The following ALDH3B2 variants were observed in gnomAD, a reference collection of about 807,000 sequenced individuals.
ALDH3B2 encodes aldehyde dehydrogenase family 3 member B2.
Under a neutral mutation model 36.7 loss-of-function variants are expected in ALDH3B2, and 45 were observed. The ratio of observed to expected loss-of-function variants is 1.23; its 90% confidence interval spans 0.97 to 1.57. The LOEUF (loss-of-function observed/expected upper bound fraction) is 1.57, where lower values mean the gene tolerates loss of function less well. ALDH3B2 is among the 40% of genes most tolerant of loss of function. The pLI, the probability that ALDH3B2 is intolerant of heterozygous loss-of-function variation, is 0.00. For synonymous variants in ALDH3B2, 217 were observed against 226.5 expected, an observed-to-expected ratio of 0.96 and a Z score of 0.38; for missense variants, 464 against 513.3, an observed-to-expected ratio of 0.90 and a Z score of 0.93.
chr11:67,671,307 C>G (rs765030443), intron 1 of ALDH3B2: 1 of 152,278 alleles, frequency 6.6e-6, no homozygotes, highest in Non-Finnish European at 1.5e-5. Context: ...GAAATAATCA[C>G]GGAGCCAGCA....
intron 4 of ALDH3B2, 83 bp downstream of exon 4, chr11:67,666,491 G>A (rs1322090571): frequency 3.1e-6 from 5 of 1,605,466 alleles, no homozygotes; most frequent in Non-Finnish European, 4.3e-6. Flanking sequence ...GAGGCCCAGG[G>A]TACCTCAGAG....
chr11:67,672,120 G>GTATGTATGTATTT (rs59765121), intron 1 of ALDH3B2, among the ~76,000 whole-genome samples: 5 of 108,112 alleles, frequency 4.6e-5, no homozygotes, highest in African/African-American at 2.0e-4. Context: ...GTGTGTGTGT[G>GTATGTATGTATTT]TGTGTGTGTG....
upstream of ALDH3B2, among the ~76,000 whole-genome samples, chr11:67,675,984 G>A (rs1856261776): frequency 6.6e-6 from 1 of 152,218 alleles, no homozygotes; most frequent in South Asian, 2.1e-4. Context: ...GGTGGCTCAT[G>A]CCTGTAATCC....
chr11:67,667,145 G>A, intron 2 of ALDH3B2, 129 bp from the exon 3 acceptor site: 3 of 614,434 alleles, frequency 4.9e-6, no homozygotes, highest in Non-Finnish European at 8.7e-6. Flanking sequence ...GGGAGGCACT[G>A]CCGTCCCCTG....
intron 1 of ALDH3B2, among the ~76,000 whole-genome samples, chr11:67,668,993 CTGTG>C (rs895149837): frequency 6.9e-6 from 1 of 144,740 alleles, no homozygotes; most frequent in Non-Finnish European, 1.5e-5. Flanking sequence ...GTATGGGTGT[CTGTG>C]TGTGTATGTG....
intron 1 of ALDH3B2, among the ~76,000 whole-genome samples, chr11:67,669,073 G>C (rs1199560942): frequency 6.6e-6 from 1 of 151,754 alleles, no homozygotes; most frequent in Non-Finnish European, 1.5e-5. Flanking sequence ...GGGTGTCTGT[G>C]TGTCTTCGTG....
intron 1 of ALDH3B2, chr11:67,667,914 AC>A (rs1855965890): frequency 6.5e-6 from 1 of 152,918 alleles, no homozygotes; most frequent in African/African-American, 2.4e-5. Context: ...CTGGACGCCC[AC>A]CCTGGAAGCC....
upstream of ALDH3B2, among the ~76,000 whole-genome samples, chr11:67,677,564 C>A (rs1281882325): frequency 6.6e-6 from 1 of 152,138 alleles, no homozygotes; most frequent in African/African-American, 2.4e-5. Context: ...TGCCCACTCT[C>A]ACCACTCCTC....
At chr11:67,672,933 C>A (rs868779484) in intron 1 of ALDH3B2, among the ~76,000 whole-genome samples, 3 of 118,348 alleles carry the variant, frequency 2.5e-5, no homozygotes, top group Non-Finnish European at 5.5e-5. Flanking sequence ...CTTTTCTTTT[C>A]TTTTTTTTTT....
At chr11:67,664,217 C>T (rs1386368958) in intron 8 of ALDH3B2, 179 bp downstream of exon 8, 2 of 1,012,278 alleles carry the variant, frequency 2.0e-6, no homozygotes, top group Non-Finnish European at 2.9e-6. Flanking sequence ...TGGGTTTGGA[C>T]CCTGTCCTCT....
At chr11:67,675,474 C>G (rs1856248219), upstream of ALDH3B2, among the ~76,000 whole-genome samples, 1 of 152,202 alleles carries the variant, frequency 6.6e-6, no homozygotes, top group Non-Finnish European at 1.5e-5. Context: ...TGGCCTGACT[C>G]TGTCCCCACC....
exon 7 of ALDH3B2, chr11:67,665,610 G>C (rs755383162): frequency 1.2e-6 from 2 of 1,613,980 alleles, no homozygotes; most frequent in East Asian, 4.5e-5. Flanking sequence ...CCAGCTCCAG[G>C]GTGACAGGCG....
At chr11:67,680,453 A>G (rs545196746) in intron 1 of ALDH3B2, among the ~76,000 whole-genome samples, 6 of 152,276 alleles carry the variant, frequency 3.9e-5, no homozygotes, top group Admixed American at 3.3e-4. Context: ...CAGAGTATCT[A>G]TCACCCAGGC....
upstream of ALDH3B2, among the ~76,000 whole-genome samples, chr11:67,676,698 T>C (rs187127793): frequency 1.3e-5 from 2 of 151,972 alleles, no homozygotes; most frequent in African/African-American, 4.8e-5. Flanking sequence ...AATTGATAGA[T>C]CATTTGCAAG....
exon 10 of ALDH3B2, chr11:67,662,869 C>G: frequency 3.3e-6 from 1 of 304,790 alleles, no homozygotes; most frequent in Non-Finnish European, 6.2e-6. Context: ...AGGGCTGATG[C>G]CCCTAAGAAG....
chr11:67,667,318 G>A (rs1855948349), intron 2 of ALDH3B2, among the ~76,000 whole-genome samples, 155 bp downstream of exon 2: 2 of 152,146 alleles, frequency 1.3e-5, no homozygotes, highest in Admixed American at 1.3e-4. Flanking sequence ...GTGAAGGTCA[G>A]GTGCCTGCCA....
rs746883169 is a variant in ALDH3B2 at position 67,666,315 on chromosome 11, C to T, written c.237+1G>A. On this transcript the variant is annotated splice_donor_variant, in intron 5 of 9. Transcript: ENST00000349015. LOFTEE classifies it high-confidence loss of function. ...CACTGCTGGGGCAGGGCCACCCTCA[C>T]CTGGTCCAGGTACTGGGGCAGCACC... 1 of 1,608,504 alleles carries T rather than the reference C, an allele frequency of 6.2e-7. No individual in the cohort carries two copies. Among genetic ancestry groups the T allele is most frequent in the East Asian group, 2.2e-5 (1 of 44,598 alleles).
chr11:67,664,396 C>G (rs1279505693), exon 8 of ALDH3B2: 2 of 1,614,128 alleles, frequency 1.2e-6, no homozygotes, highest in African/African-American at 2.7e-5. Context: ...GCACCCCCAC[C>G]TGGCTGCTGT....
Position 67,666,658 on chromosome 11 carries a change from G to T in ALDH3B2, c.67C>A (p.Pro23Thr), listed in dbSNP as rs766393325. 1 of 1,614,170 alleles carries T rather than the reference G, an allele frequency of 6.2e-7. No homozygotes were observed. Among genetic ancestry groups the T allele is most frequent in the Non-Finnish European group, 8.5e-7 (1 of 1,180,012 alleles). Residue 23 changes from proline (P) to threonine (T), a missense_variant, in exon 4 of 10, where the codon CCC becomes ACC. Pro to Thr is a conservative substitution (Grantham distance 38). Coordinates refer to ENST00000349015, the Ensembl canonical transcript of ALDH3B2. ...GCGATGATGAGGACCAGGCCAAAGG[G>T]TTCCTTCCAGATGAAGACCGAGTCC...
Sources: allele counts gnomAD v4.1 joint callset (sites outside exome capture counted in the v4.1 genomes callset), GRCh38; gene constraint gnomAD v4.1.1; transcripts MANE v1.5; gene names NCBI Gene and HGNC (gene_info 2026-07-23, HGNC 2026-07-21).